The following WDR87 variants were observed in gnomAD, a reference collection of about 807,000 sequenced individuals.
WDR87 encodes WD repeat domain 87.
WDR87 carries 56 observed loss-of-function variants against 83.3 expected under a neutral mutation model. The ratio of observed to expected loss-of-function variants is 0.67; its 90% CI spans 0.54 to 0.84. The LOEUF is 0.84. Ranked by LOEUF, WDR87 falls within the 40% of genes least tolerant of loss-of-function variation. The pLI, the probability that WDR87 is intolerant of heterozygous loss-of-function variation, is 0.00. For synonymous variants in WDR87, 1,173 were observed against 1,250.6 expected, an observed-to-expected ratio of 0.94 and a Z score of 1.31; for missense variants, 2,939 against 3,431.9, an observed-to-expected ratio of 0.86 and a Z score of 3.59.
Position 37,887,667 on chromosome 19 carries a change from A to G in WDR87, c.6004T>C (p.Leu2002=), listed in dbSNP as rs1207845784. 77 of 1,551,910 alleles carry G rather than the reference A, an allele frequency of 5.0e-5. No homozygotes were observed. Among genetic ancestry groups the G allele is most frequent in the Non-Finnish European group, 6.4e-5 (73 of 1,147,086 alleles). The change falls in exon 6 of 6, where the codon TTG becomes CTG. Residue 2002 remains leucine (L), a synonymous_variant. Transcript: ENST00000447313. ...ELDIAKEEKA[L]NLEMKRLAEE... Reference sequence around the variant, plus strand: ...GCCAGTCTTTTCATTTCCAGGTTCAATGCCTTTTCTTCCTTAGCAATATCC... The same window carrying G: ...GCCAGTCTTTTCATTTCCAGGTTCAGTGCCTTTTCTTCCTTAGCAATATCC...
In WDR87 at chr19:37,888,142, TTG is replaced by T. The variant is rs2046168007; in HGVS notation, c.5527_5528del (p.Gln1843IlefsTer3). The T allele has an allele frequency of 6.4e-7, 1 of 1,552,042 alleles. No homozygotes were observed. The highest frequency in any genetic ancestry group is 2.0e-5 in the Admixed American group (1 of 50,976). On this transcript the variant is annotated frameshift_variant, in exon 6 of 6. Transcript: ENST00000447313. LOFTEE classifies it low-confidence loss of function (END_TRUNC). ...CCAGTTTCATCTTCTTCTCAATCAA[TTG>T]CTCCCTTTTCCGTCCCAGTCTTTCC... ...EEERLGRKRE[Q>X]LIEKKMKLAQ...
rs1465542033 is a variant in WDR87, at chr19:37,887,130, T to C, written c.6541A>G (p.Lys2181Glu). Residue 2181 changes from lysine (K) to glutamate (E), a missense_variant, in exon 6 of 6, where the codon AAG (lysine) becomes GAG (glutamate). Lys to Glu is a moderately conservative substitution (Grantham distance 56). This residue lies in a region of WDR87 where 2,160 missense variants were observed against 2,533.1 expected (regional missense o/e 0.85). Coordinates refer to ENST00000447313, the MANE Select transcript of WDR87 (RefSeq NM_001291088.2). ...LTKDEKKLARKQRKLANKMRR... is the reference protein window; with the variant it reads ...LTKDEKKLAREQRKLANKMRR... ...ATTTTGTTGGCCAGTTTTCTCTGCT[T>C]CCGAGCCAGTTTCTTCTCATCTTTA... 3.9e-6 allele frequency: 6 copies of C among 1,550,360 alleles called. No homozygotes were observed. The Admixed American group carries it at 1.2e-4, about 31-fold the overall frequency.
Position 37,893,097 on chromosome 19 carries a change from CT to C in WDR87, c.2605del (p.Arg869GlufsTer3). The C allele has an allele frequency of 1.3e-6, 2 of 1,551,760 alleles. No individual in the cohort carries two copies. The highest frequency in any genetic ancestry group is 1.7e-6 in the Non-Finnish European group (2 of 1,147,016). The part of the protein sequence containing the change: ...QEFFFWHSRV[R>X]AISNTEYPKN... ...TGGATATTCTGTATTACTTATAGCTCTTACCCTGCTGTGCCAGAAAAAGAAT... is the reference window on the plus strand; with the variant it reads ...TGGATATTCTGTATTACTTATAGCTCTACCCTGCTGTGCCAGAAAAAGAAT... On this transcript the variant is annotated frameshift_variant, in exon 4 of 6. Transcript: ENST00000447313. LOFTEE classifies it high-confidence loss of function.
chr19:37,887,491 G>C lies in WDR87; in HGVS notation c.6180C>G (p.Asp2060Glu). ...CGCTTTCCTCCATGGCCAATATCCT[G>C]TCTTCATGTAGCAGTATCTTCTCCT... ...SLEEKILLHE[D>E]RILAMEESEI... The change falls in exon 6 of 6, where the codon GAC (aspartate) becomes GAG (glutamate). Residue 2060 changes from aspartate to glutamate, a missense_variant. Asp to Glu is a conservative substitution (Grantham distance 45, BLOSUM62 2). Around this residue, in one of 3 missense-constraint regions of WDR87, gnomAD observed 2,160 missense variants for 2,533.1 expected, o/e 0.85. Coordinates refer to ENST00000447313, the MANE Select transcript of WDR87 (RefSeq NM_001291088.2). 6.4e-7 allele frequency: 1 copy of C among 1,551,788 alleles called. No individual in the cohort carries two copies. The highest frequency in any genetic ancestry group is 8.7e-7 in the Non-Finnish European group (1 of 1,147,010).
rs1423760870 is a variant in WDR87, at chr19:37,895,177, C to T, written c.526G>A (p.Val176Ile). 27 of 1,551,606 alleles carry T rather than the reference C, an allele frequency of 1.7e-5. No homozygotes were observed. The highest frequency in any genetic ancestry group is 5.9e-5 in the Admixed American group (3 of 50,994). The change falls in exon 4 of 6, where the codon GTC becomes ATC. Residue 176 changes from valine (V) to isoleucine (I), a missense_variant. Physicochemically the swap from Val to Ile is conservative, Grantham distance 29. Coordinates refer to ENST00000447313, the MANE Select transcript of WDR87 (RefSeq NM_001291088.2). ...AGGCCCGTGCCACCTAGCTCAATGA[C>T]CCAGGTCACCACTGCCCCCAGGATG... Reference protein sequence around the residue: ...SGILGAVVTWVIELGGTGLQI... With the variant: ...SGILGAVVTWIIELGGTGLQI...
chr19:37,886,099 T>G lies in WDR87; in HGVS notation c.7572A>C (p.Leu2524=). 1 of 1,551,728 alleles carries G rather than the reference T, an allele frequency of 6.4e-7. No homozygotes were observed. The highest frequency in any genetic ancestry group is 8.7e-7 in the Non-Finnish European group (1 of 1,146,996). The part of the protein sequence containing the change: ...VEAEELQHKP[L]GAWWKWFLQH... ...GCAAAAACCACTTCCACCAGGCACC[T>G]AGTGGTTTGTGTTGGAGTTCCTCAG... The change falls in exon 6 of 6, where the codon CTA becomes CTC. Residue 2524 remains leucine (L), a synonymous_variant. Transcript: ENST00000447313.
chr19:37,890,403 T>TC (rs779156496), intron 5 of WDR87, 127 bp from the exon 6 acceptor site: 2 of 1,008,674 alleles, frequency 2.0e-6, no homozygotes, highest in Admixed American at 4.0e-5. Flanking sequence ...ACTGAGGCCT[T>TC]AAAAAAAAAA....
In WDR87 at chr19:37,889,413, C is replaced by T; in HGVS notation, c.4258G>A (p.Val1420Ile). The T allele has an allele frequency of 6.4e-7, 1 of 1,551,866 alleles. No homozygotes were observed. The highest frequency in any genetic ancestry group is 1.2e-5 in the South Asian group (1 of 84,042). ...TTTGATATTTCTTTTCCCATGGTTA[C>T]ATTACCTGGTTCTAAAAAAATAACT... is the stretch of plus-strand genomic sequence containing the variant. ...KKVIFLEPGN[V>I]TMGKEISKKE... The change falls in exon 6 of 6, where the codon GTA becomes ATA. Residue 1420 changes from valine to isoleucine, a missense_variant. Transcript: ENST00000447313.
intron 1 of WDR87, among the ~76,000 whole-genome samples, chr19:37,905,225 C>T (rs1279023329): frequency 2.8e-5 from 4 of 141,512 alleles, no homozygotes; most frequent in Non-Finnish European, 3.0e-5. Flanking sequence ...AGTGGGACTC[C>T]GTCTCCAAAA....
Position 37,885,216 on chromosome 19 carries a change from CCT to C in WDR87, c.8453_8454del (p.Glu2818GlyfsTer37). 6.7e-7 allele frequency: 1 copy of C among 1,490,338 alleles called. No individual in the cohort carries two copies. The highest frequency in any genetic ancestry group is 8.9e-7 in the Non-Finnish European group (1 of 1,121,648). 92.3% of individuals were successfully genotyped at this position (1,490,338 alleles called of 1,614,324 possible). A position where few individuals can be genotyped will look rare whatever the true frequency, so the allele number is the denominator to read the frequency against. ...QKLLQELLMREEPQPQEIIYE... is the reference protein window; with the variant it reads ...QKLLQELLMRXEPQPQEIIYE... ...TAGATGATCTCTTGGGGTTGAGGTTCCTCTCTCATTAGCAGCTCCTGAAGCAG... is the reference window on the plus strand; with the variant it reads ...TAGATGATCTCTTGGGGTTGAGGTTCCTCTCATTAGCAGCTCCTGAAGCAG... On this transcript the variant is annotated frameshift_variant, in exon 6 of 6. Transcript: ENST00000447313. LOFTEE classifies it low-confidence loss of function (END_TRUNC).
chr19:37,888,824 A>G lies in WDR87; in HGVS notation c.4847T>C (p.Ile1616Thr), dbSNP rs890396272. ...TTCAGCTCGGGCTCGTTTCCTGTGT[A>G]TTCTGGCCCATTTGTGTTCTTCTTG... is the stretch of plus-strand genomic sequence containing the variant. ...HIQEEHKWAR[I>T]HRKRARAEKK... is the part of the protein sequence containing the mutation. Residue 1616 changes from isoleucine to threonine, a missense_variant, in exon 6 of 6, where the codon ATA (isoleucine) becomes ACA (threonine). Around this residue, in one of 3 missense-constraint regions of WDR87, gnomAD observed 2,160 missense variants for 2,533.1 expected, o/e 0.85. Coordinates refer to ENST00000447313, the MANE Select transcript of WDR87 (RefSeq NM_001291088.2). 1.3e-6 allele frequency: 2 copies of G among 1,549,052 alleles called. No individual in the cohort carries two copies. Among genetic ancestry groups the G allele is most frequent in the African/African-American group, 1.4e-5 (1 of 71,994 alleles).
In WDR87 at chr19:37,889,496, T is replaced by C; in HGVS notation, c.4175A>G (p.Lys1392Arg). 1.9e-6 allele frequency: 3 copies of C among 1,551,768 alleles called. No homozygotes were observed. The South Asian group carries it at 3.6e-5, about 18-fold the overall frequency. ...MPREEEQAQK[K>R]ARDMLGLEET... ...CTCCAAGCCCAGCATGTCTCTTGCT[T>C]TCTTTTGTGCTTGTTCTTCTTCCCT... is the stretch of plus-strand genomic sequence containing the variant. Residue 1392 changes from lysine to arginine, a missense_variant, in exon 6 of 6, where the codon AAA (lysine) becomes AGA (arginine). Transcript: ENST00000447313.
At position 37,895,070 on chromosome 19, in the gene WDR87, C is replaced by T. The variant is rs2046242729; in HGVS notation, c.633G>A (p.Leu211=). 6.4e-7 allele frequency: 1 copy of T among 1,551,588 alleles called. No homozygotes were observed. The highest frequency in any genetic ancestry group is 1.4e-5 in the African/African-American group (1 of 73,052). Residue 211 remains leucine (L), a synonymous_variant, in exon 4 of 6, where the codon CTG becomes CTA. Transcript: ENST00000447313. ...CCCTCACCACCGTCTCACACAGGGC[C>T]AGGAGGGAGCCACTGGGACCATTCA... The part of the protein sequence containing the change: ...IVLNGPSGSL[L]ALCETVVRVL...
chr19:37,890,950 A>T (rs868576926), intron 5 of WDR87, among the ~76,000 whole-genome samples: 9 of 152,220 alleles, frequency 5.9e-5, no homozygotes, highest in South Asian at 4.1e-4. Context: ...ACATTTTTTT[A>T]AAAAATTATA....
At position 37,886,684 on chromosome 19, in the gene WDR87, C is replaced by G; in HGVS notation, c.6987G>C (p.Lys2329Asn). The G allele has an allele frequency of 7.1e-7, 1 of 1,409,646 alleles. No homozygotes were observed. Among genetic ancestry groups the G allele is most frequent in the Non-Finnish European group, 9.6e-7 (1 of 1,038,584 alleles). The allele number at this position is 1,409,646 out of a possible 1,614,324, so 87.3% of individuals were successfully genotyped here. The change falls in exon 6 of 6, where the codon AAG becomes AAC. Residue 2329 changes from lysine to asparagine, a missense_variant. Transcript: ENST00000447313. ...CCTCCTCCTTCTTCTTTTCCTTTTT[C>G]TTCTTCTTCTTCTCCTCCTCTTCTT... is the stretch of plus-strand genomic sequence containing the variant. ...VEKEEEEKKK[K>N]KKEKKKEEVQ...
In WDR87 at chr19:37,885,336, G is replaced by A. The variant is rs1430852570; in HGVS notation, c.8335C>T (p.Gln2779Ter). 3.2e-6 allele frequency: 5 copies of A among 1,551,562 alleles called. No individual in the cohort carries two copies. Among genetic ancestry groups the A allele is most frequent in the Middle Eastern group, 1.7e-4 (1 of 6,014 alleles). Residue 2779 changes from glutamine to a stop codon, truncating the protein, a stop_gained, in exon 6 of 6, where the codon CAG becomes TAG. Transcript: ENST00000447313. LOFTEE classifies it low-confidence loss of function (END_TRUNC). ...GTGCTGTCTTTTGGATATCGCTGCT[G>A]CAGCATCCGCAAAACATGGTACAGT... is the stretch of plus-strand genomic sequence containing the variant. ...VALYHVLRML[Q>*]QRYPKDSTAW...
At position 37,889,506 on chromosome 19, in the gene WDR87, C is replaced by T; in HGVS notation, c.4165G>A (p.Ala1389Thr). ...AGCATGTCTCTTGCTTTCTTTTGTG[C>T]TTGTTCTTCTTCCCTTGGCATCACT... The part of the protein sequence containing the change: ...KEVMPREEEQ[A>T]QKKARDMLGL... The change falls in exon 6 of 6, where the codon GCA (alanine) becomes ACA (threonine). Residue 1389 changes from alanine (A) to threonine (T), a missense_variant. Ala to Thr is a moderately conservative substitution (Grantham distance 58). Transcript: ENST00000447313. The T allele has an allele frequency of 6.4e-7, 1 of 1,551,690 alleles. No homozygotes were observed. Among genetic ancestry groups the T allele is most frequent in the South Asian group, 1.2e-5 (1 of 84,052 alleles).
chr19:37,904,335 G>T (rs981894193), intron 1 of WDR87, among the ~76,000 whole-genome samples: 4 of 150,930 alleles, frequency 2.7e-5, no homozygotes, highest in Non-Finnish European at 5.9e-5. Flanking sequence ...AACTCTGGTT[G>T]TGTCTTTCTT....
chr19:37,901,675 A>C (rs937087026), intron 1 of WDR87, among the ~76,000 whole-genome samples: 1 of 151,976 alleles, frequency 6.6e-6, no homozygotes, highest in Non-Finnish European at 1.5e-5. Context: ...AGTGAGAAGG[A>C]GGACTTTCAA....
Sources: allele counts gnomAD v4.1 joint callset (sites outside exome capture counted in the v4.1 genomes callset), GRCh38; gene constraint gnomAD v4.1.1; regional missense constraint gnomAD v4.1.1; transcripts MANE v1.5; gene names NCBI Gene and HGNC (gene_info 2026-07-23, HGNC 2026-07-21).